The following NKAIN2 variants were observed in gnomAD, a reference collection of about 807,000 sequenced individuals.
NKAIN2 encodes sodium/potassium transporting ATPase interacting 2, also known as sodium/potassium-transporting ATPase subunit beta-1-interacting protein 2.
In NKAIN2, 14 loss-of-function variants were observed where a neutral mutation model predicts 32.6. The ratio of observed to expected loss-of-function variants is 0.43; its 90% CI spans 0.28 to 0.67. The LOEUF (loss-of-function observed/expected upper bound fraction) is 0.67. Ranked by LOEUF, NKAIN2 falls within the 30% of genes least tolerant of loss-of-function variation. The probability of loss-of-function intolerance (pLI) is 0.17; values close to 1 mark genes in which losing one functional copy is unlikely to be tolerated. For missense variants in NKAIN2, 198 were observed against 258.3 expected (o/e 0.77, Z 1.60); for synonymous variants, 80 against 87.2 (o/e 0.92, Z 0.46).
At chr6:124,077,573 T>G (rs996746201) in intron 1 of NKAIN2, among the ~76,000 whole-genome samples, 26 of 152,168 alleles carry the variant, frequency 1.7e-4, no homozygotes, top group Non-Finnish European at 5.9e-5. Context: ...AAAGTACAAT[T>G]TAAAAGTTTA....
At chr6:124,510,705 G>T (rs1469485930) in intron 3 of NKAIN2, among the ~76,000 whole-genome samples, 1 of 152,130 alleles carries the variant, frequency 6.6e-6, no homozygotes, top group African/African-American at 2.4e-5. Context: ...GAATTAAATG[G>T]TGGGTGTAGA....
Position 123,940,139 on chromosome 6 carries a change from A to G in NKAIN2, c.54+135885A>G, listed in dbSNP as rs1776747749. On this transcript the variant is annotated intron_variant, in intron 1 of 6. Coordinates refer to ENST00000368417, the MANE Select transcript of NKAIN2 (RefSeq NM_001040214.3). ...TAAGGATGTGGAACACTGTTGGCTG[A>G]GAGTGCTAGGAATCTGCTGCTCGTG... Among the ~76,000 whole-genome samples, 4 of 152,020 alleles carry G rather than the reference A, an allele frequency of 2.6e-5. No homozygotes were observed. The South Asian group carries it at 8.3e-4, about 32-fold the overall frequency.
At chr6:124,677,506 A>G (rs1163931724) in intron 4 of NKAIN2, among the ~76,000 whole-genome samples, 1 of 151,694 alleles carries the variant, frequency 6.6e-6, no homozygotes, top group Non-Finnish European at 1.5e-5. Context: ...TGCCTTCAAT[A>G]TTTTCTTTAT....
intron 2 of NKAIN2, among the ~76,000 whole-genome samples, chr6:124,341,453 A>G (rs1798109746): frequency 6.6e-6 from 1 of 152,188 alleles, no homozygotes; most frequent in African/African-American, 2.4e-5. Flanking sequence ...TACATTAAAT[A>G]TGGCATTTTC....
chr6:124,548,583 A>T (rs149715996), intron 3 of NKAIN2, among the ~76,000 whole-genome samples: 1 of 152,330 alleles, frequency 6.6e-6, no homozygotes, highest in Non-Finnish European at 1.5e-5. Context: ...ACCTTCAGAG[A>T]GGGAAGAGGA....
At chr6:124,266,445 T>G (rs893380894) in intron 1 of NKAIN2, among the ~76,000 whole-genome samples, 6 of 151,982 alleles carry the variant, frequency 3.9e-5, no homozygotes, top group African/African-American at 1.2e-4. Context: ...ACCCGGCTAA[T>G]TTTTTGCATT....
chr6:124,156,540 A>G (rs802265), intron 1 of NKAIN2, among the ~76,000 whole-genome samples: 120,442 of 151,964 alleles, frequency 0.79, 49,065 homozygotes, highest in South Asian at 0.9. Flanking sequence ...TTTAGAAATG[A>G]AAAGAAGTTC....
chr6:124,267,701 T>G (rs775928541), intron 1 of NKAIN2, among the ~76,000 whole-genome samples: 1 of 152,198 alleles, frequency 6.6e-6, no homozygotes, highest in Non-Finnish European at 1.5e-5. Context: ...ATCCAAAATA[T>G]TTTTAAAGCA....
At chr6:124,246,604 G>A (rs112411681) in intron 1 of NKAIN2, among the ~76,000 whole-genome samples, 119 of 152,164 alleles carry the variant, frequency 7.8e-4, no homozygotes, top group African/African-American at 2.6e-3. Context: ...CTCTTTCATA[G>A]TGAGATGAGT....
chr6:124,181,221 C>T (rs1182953054), intron 1 of NKAIN2, among the ~76,000 whole-genome samples: 2 of 152,120 alleles, frequency 1.3e-5, no homozygotes, highest in Non-Finnish European at 1.5e-5. Flanking sequence ...GGCTGGGATG[C>T]AGGGCATCAA....
chr6:124,594,330 G>C (rs1782009584), intron 3 of NKAIN2, among the ~76,000 whole-genome samples: 1 of 152,158 alleles, frequency 6.6e-6, no homozygotes, highest in Admixed American at 6.5e-5. Context: ...AAGAGGCAGA[G>C]ACAGAGAGGG....
Position 124,754,010 on chromosome 6 carries a change from T to C in NKAIN2, c.475-37329T>C, listed in dbSNP as rs181354852. On this transcript the variant is annotated intron_variant, in intron 4 of 6. Coordinates refer to ENST00000368417, the MANE Select transcript of NKAIN2 (RefSeq NM_001040214.3). Reference sequence around the variant, plus strand: ...TGAATTACGTAGAACAATCAGATCTTTCTTGGCTTTAATTTTCATGAGTCT... The same window carrying C: ...TGAATTACGTAGAACAATCAGATCTCTCTTGGCTTTAATTTTCATGAGTCT... Among the ~76,000 whole-genome samples the C allele has an allele frequency of 3.5e-3, 533 of 152,200 alleles. 7 individuals carry two copies. Among genetic ancestry groups the C allele is most frequent in the African/African-American group, 0.012 (506 of 41,550 alleles).
Position 123,939,596 on chromosome 6 carries a change from A to T in NKAIN2, c.54+135342A>T, listed in dbSNP as rs75556365. Among the ~76,000 whole-genome samples, 747 of 152,094 alleles carry T rather than the reference A, an allele frequency of 4.9e-3. 3 individuals are homozygous for T. Among genetic ancestry groups the T allele is most frequent in the African/African-American group, 0.014 (576 of 41,524 alleles). ...AGTTTACTGGGAATAATGCACTCTG[A>T]TATTTTCTATCATATTCAATTTTTT... On this transcript the variant is annotated intron_variant, in intron 1 of 6. Transcript: ENST00000368417.
At chr6:124,818,330 T>C in intron 5 of NKAIN2, 57 bp from the exon 6 acceptor site, 1 of 903,066 alleles carries the variant, frequency 1.1e-6, no homozygotes, top group Non-Finnish European at 1.8e-6. Flanking sequence ...GTGTGGGTGC[T>C]TGATCATGGA....
chr6:123,911,858 CAT>C (rs1562253642), intron 1 of NKAIN2, among the ~76,000 whole-genome samples: 12 of 134,768 alleles, frequency 8.9e-5, no homozygotes, highest in African/African-American at 2.4e-4. Flanking sequence ...CACACACACA[CAT>C]ATCAATTCCC....
chr6:124,338,568 A>G (rs1432862795), intron 2 of NKAIN2, among the ~76,000 whole-genome samples: 1 of 152,038 alleles, frequency 6.6e-6, no homozygotes, highest in Non-Finnish European at 1.5e-5. Context: ...CATTTTGACA[A>G]TTTTTTCACA....
chr6:123,834,957 G>A (rs1436033893), intron 1 of NKAIN2, among the ~76,000 whole-genome samples: 1 of 152,074 alleles, frequency 6.6e-6, no homozygotes, highest in African/African-American at 2.4e-5. Context: ...TACGTTGTTG[G>A]ATTTGATTTG....
intron 1 of NKAIN2, among the ~76,000 whole-genome samples, chr6:124,088,406 C>A (rs1784282969): frequency 6.6e-6 from 1 of 151,824 alleles, no homozygotes; most frequent in African/African-American, 2.4e-5. Context: ...GAGACCATGT[C>A]TCAAAAATAA....
At chr6:124,134,938 G>A (rs994251513) in intron 1 of NKAIN2, among the ~76,000 whole-genome samples, 75 of 152,206 alleles carry the variant, frequency 4.9e-4, no homozygotes, top group African/African-American at 7.0e-4. Context: ...CAGATTAACC[G>A]CAGATTTCTA....
Sources: allele counts gnomAD v4.1 joint callset (sites outside exome capture counted in the v4.1 genomes callset), GRCh38; gene constraint gnomAD v4.1.1; transcripts MANE v1.5; gene names NCBI Gene and HGNC (gene_info 2026-07-23, HGNC 2026-07-21).